The following ZNF486 variants were observed in gnomAD, a reference collection of about 807,000 sequenced individuals.
ZNF486 encodes zinc finger protein 486, also known as KRAB box only protein 2.
In ZNF486, 12 loss-of-function variants were observed where a neutral mutation model predicts 12.8. That is an observed-to-expected ratio of 0.94 (90% CI 0.60 to 1.52). The LOEUF (loss-of-function observed/expected upper bound fraction) is 1.52, where lower values mean the gene tolerates loss of function less well. Among genes scored for constraint, ZNF486 ranks in the 40% most tolerant of loss-of-function variants. The pLI, the probability that ZNF486 is intolerant of heterozygous loss-of-function variation, is 0.00. For synonymous variants in ZNF486, 231 were observed against 184.9 expected (o/e 1.25, Z -2.02); for missense variants, 738 against 545.0 (o/e 1.35, Z -3.53).
At chr19:20,177,987 A>G (rs1555715070) in intron 1 of ZNF486, among the ~76,000 whole-genome samples, 2 of 148,526 alleles carry the variant, frequency 1.3e-5, no homozygotes, top group Non-Finnish European at 3.0e-5. Flanking sequence ...GTGATGGCGC[A>G]AACTTGGCTC....
chr19:20,186,285 G>GATTCTA (rs1291335652), intron 3 of ZNF486, among the ~76,000 whole-genome samples: 2 of 151,978 alleles, frequency 1.3e-5, no homozygotes, highest in African/African-American at 4.8e-5. Flanking sequence ...ATTCTCTAAG[G>GATTCTA]ATTCTACTAT....
chr19:20,167,386 A>G, intron 1 of ZNF486, 26 bp downstream of exon 1: 2 of 1,611,320 alleles, frequency 1.2e-6, no homozygotes, highest in Non-Finnish European at 1.7e-6. Context: ...GGACATCCTG[A>G]GAGAGGGGAG....
At chr19:20,185,948 T>C in intron 2 of ZNF486, 39 bp from the exon 3 acceptor site, 3 of 1,353,428 alleles carry the variant, frequency 2.2e-6, no homozygotes, top group Non-Finnish European at 2.9e-6. Flanking sequence ...AATTGAGAAA[T>C]ATAAGCAAGA....
intron 1 of ZNF486, among the ~76,000 whole-genome samples, chr19:20,179,561 T>TG (rs1327994606): frequency 6.6e-6 from 1 of 152,164 alleles, no homozygotes; most frequent in African/African-American, 2.4e-5. Flanking sequence ...GTACTCCACT[T>TG]GGTGTAACAC....
rs1386089345 is a variant in ZNF486 at position 20,197,021 on chromosome 19, A to T, written c.311A>T (p.Tyr104Phe). 6 of 1,605,688 alleles carry T rather than the reference A, an allele frequency of 3.7e-6. No individual in the cohort carries two copies. The highest frequency in any genetic ancestry group is 5.1e-6 in the Non-Finnish European group (6 of 1,177,620). Residue 104 changes from tyrosine (Y) to phenylalanine (F), a missense_variant, in exon 4 of 4, where the codon TAC becomes TTC. Physicochemically the swap from Tyr to Phe is conservative, Grantham distance 22 (BLOSUM62 3). Coordinates refer to ENST00000335117, the MANE Select transcript of ZNF486 (RefSeq NM_052852.4). ...CCAGAGCAGAGCATAAAAGATTCTT[A>T]CCAAAAAGTGATACTGAGAAAATTT... is the stretch of plus-strand genomic sequence containing the variant. Reference protein sequence around the residue: ...LWPEQSIKDSYQKVILRKFEK... With the variant: ...LWPEQSIKDSFQKVILRKFEK...
intron 3 of ZNF486, among the ~76,000 whole-genome samples, chr19:20,196,745 G>A (rs2089961946): frequency 2.0e-5 from 3 of 152,128 alleles, no homozygotes; most frequent in African/African-American, 7.2e-5. Flanking sequence ...CTCACCTAGG[G>A]ACTTTCACAC....
intron 3 of ZNF486, among the ~76,000 whole-genome samples, chr19:20,194,641 T>G (rs1310933805): frequency 1.3e-5 from 2 of 152,014 alleles, no homozygotes; most frequent in Non-Finnish European, 2.9e-5. Flanking sequence ...GGCAGGAGAA[T>G]CCCTTGAACC....
At chr19:20,181,848 C>T (rs1371555887) in intron 1 of ZNF486, among the ~76,000 whole-genome samples, 1 of 152,158 alleles carries the variant, frequency 6.6e-6, no homozygotes, top group African/African-American at 2.4e-5. Flanking sequence ...TTACCTAAAT[C>T]CTAAAGTTTA....
chr19:20,167,775 G>A (rs2089601020), intron 1 of ZNF486, among the ~76,000 whole-genome samples: 1 of 152,182 alleles, frequency 6.6e-6, no homozygotes, highest in South Asian at 2.1e-4. Context: ...GGGCGCGGTG[G>A]TTGACGTCTG....
intron 1 of ZNF486, among the ~76,000 whole-genome samples, chr19:20,169,917 G>C (rs2089629259): frequency 7.6e-6 from 1 of 131,252 alleles, no homozygotes; most frequent in African/African-American, 3.1e-5. Flanking sequence ...TTTTGAGACA[G>C]TCTCACTCCG....
rs968098557 is a variant in ZNF486, at chr19:20,174,901, A to G, written c.30+7541A>G. The G allele has an allele frequency of 6.6e-5, 10 of 152,348 alleles. No individual in the cohort carries two copies. The South Asian group carries it at 1.0e-3, about 16-fold the overall frequency. 9.4% of individuals were successfully genotyped at this position (152,348 alleles called of 1,614,324 possible). On this transcript the variant is annotated intron_variant, in intron 1 of 3. Coordinates refer to ENST00000335117, the MANE Select transcript of ZNF486 (RefSeq NM_052852.4). Reference sequence around the variant, plus strand: ...AATTGGTATGCTGCTATTACAGGACAAATAAAGACATGTGATGTGGCCACC... The same window carrying G: ...AATTGGTATGCTGCTATTACAGGACGAATAAAGACATGTGATGTGGCCACC...
At chr19:20,173,090 T>C (rs187727503) in intron 1 of ZNF486, among the ~76,000 whole-genome samples, 18 of 152,372 alleles carry the variant, frequency 1.2e-4, no homozygotes, top group African/African-American at 4.3e-4. Context: ...TGTCAATTTT[T>C]GCTTTTGTTG....
At chr19:20,174,483 G>A (rs895578303) in intron 1 of ZNF486, among the ~76,000 whole-genome samples, 2 of 151,794 alleles carry the variant, frequency 1.3e-5, no homozygotes, top group African/African-American at 4.8e-5. Flanking sequence ...CTGCCTCCCG[G>A]GTTCAAGCGA....
rs116295137 is a variant in ZNF486, at chr19:20,167,544, C to T, written c.30+184C>T. Among the ~76,000 whole-genome samples the T allele has an allele frequency of 5.5e-3, 842 of 152,278 alleles. 7 individuals are homozygous for T. The highest frequency in any genetic ancestry group is 0.02 in the African/African-American group (821 of 41,560). On this transcript the variant is annotated intron_variant, in intron 1 of 3. Transcript: ENST00000335117. Reference sequence around the variant, plus strand: ...GCTGCGCTGACAGCCGGTCCCGGGGCGTCCTGTCTCTTCCCTGCGCAGTGA... The same window carrying T: ...GCTGCGCTGACAGCCGGTCCCGGGGTGTCCTGTCTCTTCCCTGCGCAGTGA...
chr19:20,186,422 G>C (rs982571041), intron 3 of ZNF486, among the ~76,000 whole-genome samples: 1 of 152,074 alleles, frequency 6.6e-6, no homozygotes, highest in African/African-American at 2.4e-5. Flanking sequence ...GTGATTTTGA[G>C]AAACTAAAAC....
chr19:20,181,278 G>C (rs112419660), intron 1 of ZNF486, among the ~76,000 whole-genome samples: 1 of 151,848 alleles, frequency 6.6e-6, no homozygotes, highest in African/African-American at 2.4e-5. Context: ...GGTGGCTCAC[G>C]CCTGTAATCC....
intron 1 of ZNF486, among the ~76,000 whole-genome samples, chr19:20,169,388 C>G (rs973688103): frequency 6.6e-6 from 1 of 152,204 alleles, no homozygotes; most frequent in Admixed American, 6.5e-5. Context: ...GGATTACATG[C>G]TTGCGCCACC....
intron 2 of ZNF486, among the ~76,000 whole-genome samples, chr19:20,185,183 C>T (rs1286389428): frequency 1.3e-5 from 2 of 151,986 alleles, no homozygotes; most frequent in Non-Finnish European, 2.9e-5. Flanking sequence ...CTATTTGGAT[C>T]TTCTCTTCGT....
At chr19:20,176,782 C>T (rs1212351965) in intron 1 of ZNF486, 1 of 152,998 alleles carries the variant, frequency 6.5e-6, no homozygotes, top group Non-Finnish European at 1.5e-5. Flanking sequence ...GCAGTACAGT[C>T]CAGCTTCGGC....
Sources: allele counts gnomAD v4.1 joint callset (sites outside exome capture counted in the v4.1 genomes callset), GRCh38; gene constraint gnomAD v4.1.1; transcripts MANE v1.5; gene names NCBI Gene and HGNC (gene_info 2026-07-23, HGNC 2026-07-21).